Variants in SQOR observed in about 807,000 individuals in gnomAD.
The protein encoded by SQOR is sulfide quinone oxidoreductase, also known as sulfide:quinone oxidoreductase, mitochondrial.
SQOR carries 39 observed loss-of-function variants against 48.6 expected under a neutral mutation model. That is an observed-to-expected ratio of 0.80 (90% CI 0.62 to 1.05). The LOEUF (loss-of-function observed/expected upper bound fraction) is 1.05, where lower values mean the gene tolerates loss of function less well. Ranked by LOEUF, SQOR falls within the 50% of genes least tolerant of loss-of-function variation. The pLI is 0.00. For missense variants in SQOR, 561 were observed against 559.9 expected (o/e 1.00, Z -0.02); for synonymous variants, 220 against 206.2 (o/e 1.07, Z -0.57).
upstream of SQOR, among the ~76,000 whole-genome samples, chr15:45,634,314 T>TG (rs1182363771): frequency 6.0e-4 from 90 of 150,860 alleles, no homozygotes; most frequent in African/African-American, 2.2e-3. Context: ...TTCTAGCACT[T>TG]GCACTTCTCA....
chr15:45,658,751 T>C (rs557323254), intron 1 of SQOR, among the ~76,000 whole-genome samples, 156 bp from the exon 2 acceptor site: 1 of 152,194 alleles, frequency 6.6e-6, no homozygotes, highest in African/African-American at 2.4e-5. Context: ...TCAGGAGACC[T>C]TGGGACCACA....
chr15:45,663,838 T>C (rs1244027624), intron 3 of SQOR, among the ~76,000 whole-genome samples: 1 of 152,230 alleles, frequency 6.6e-6, no homozygotes, highest in African/African-American at 2.4e-5. Context: ...CTTGGCTTTC[T>C]GGCCTCCATT....
chr15:45,661,219 T>C (rs1889711716), intron 2 of SQOR, among the ~76,000 whole-genome samples: 1 of 140,496 alleles, frequency 7.1e-6, no homozygotes, highest in Non-Finnish European at 1.5e-5. Flanking sequence ...GAGGTGGAGG[T>C]TGCAGTGAGC....
At chr15:45,659,271 G>A in intron 2 of SQOR, 114 bp downstream of exon 2, 3 of 869,506 alleles carry the variant, frequency 3.5e-6, no homozygotes, top group South Asian at 2.3e-5. Context: ...GTCTTCATAT[G>A]TTCAGGTTAG....
In SQOR at chr15:45,691,100, C is replaced by A; in HGVS notation, c.*70C>A. Reference sequence around the variant, plus strand: ...ACTGCAGTCACTGAATGACCAAGAGCAGCACGAAGGACTTGGAACCTATCC... The same window carrying A: ...ACTGCAGTCACTGAATGACCAAGAGAAGCACGAAGGACTTGGAACCTATCC... On this transcript the variant is annotated 3_prime_UTR_variant, in exon 10 of 10. Coordinates refer to ENST00000260324, the MANE Select transcript of SQOR (RefSeq NM_021199.4). 2 of 1,352,308 alleles carry A rather than the reference C, an allele frequency of 1.5e-6. No individual in the cohort carries two copies. The highest frequency in any genetic ancestry group is 2.1e-6 in the Non-Finnish European group (2 of 940,936). The allele number at this position is 1,352,308 out of a possible 1,614,324, so 83.8% of individuals were successfully genotyped here.
intron 9 of SQOR, 34 bp from the exon 10 acceptor site, chr15:45,690,939 C>T (rs1485965561): frequency 6.2e-7 from 1 of 1,604,888 alleles, no homozygotes; most frequent in Non-Finnish European, 8.5e-7. Context: ...ATCTCTCTTG[C>T]TGCAGGTACA....
At chr15:45,665,874 G>A (rs773253023) in intron 3 of SQOR, among the ~76,000 whole-genome samples, 4 of 152,162 alleles carry the variant, frequency 2.6e-5, no homozygotes, top group Non-Finnish European at 5.9e-5. Context: ...GTGAGCCACC[G>A]TGCCCAGCCC....
upstream of SQOR, among the ~76,000 whole-genome samples, chr15:45,633,424 G>A (rs536357400): frequency 6.6e-4 from 100 of 152,226 alleles, 2 homozygotes; most frequent in South Asian, 0.02. Context: ...GGCTGGGTGC[G>A]ATGGCTCACG....
At chr15:45,649,458 A>C (rs1435294452) in intron 1 of SQOR, among the ~76,000 whole-genome samples, 1 of 152,182 alleles carries the variant, frequency 6.6e-6, no homozygotes, top group Non-Finnish European at 1.5e-5. Flanking sequence ...AGTTAAATTT[A>C]CCTTATTTAT....
At chr15:45,657,109 A>G (rs947785768) in intron 1 of SQOR, among the ~76,000 whole-genome samples, 5 of 134,530 alleles carry the variant, frequency 3.7e-5, no homozygotes, top group Non-Finnish European at 6.5e-5. Flanking sequence ...CGCCTGGTCT[A>G]TATATTGTTT....
At chr15:45,677,875 A>AT (rs1890064934) in intron 6 of SQOR, among the ~76,000 whole-genome samples, 1 of 151,668 alleles carries the variant, frequency 6.6e-6, no homozygotes, top group African/African-American at 2.4e-5. Flanking sequence ...TAATTTTTTT[A>AT]TTTTTTATTT....
At chr15:45,652,730 G>C (rs1889518880) in intron 1 of SQOR, among the ~76,000 whole-genome samples, 1 of 144,074 alleles carries the variant, frequency 6.9e-6, no homozygotes, top group East Asian at 2.1e-4. Flanking sequence ...CCAGCATTGT[G>C]GGAGGCCGAG....
intron 5 of SQOR, chr15:45,674,041 G>A (rs1369809639): frequency 9.7e-6 from 5 of 517,574 alleles, no homozygotes; most frequent in Non-Finnish European, 1.4e-5. Flanking sequence ...CTTTTTTTCT[G>A]TATACTTAAA....
chr15:45,656,815 G>GT (rs1297425351), intron 1 of SQOR, among the ~76,000 whole-genome samples: 6 of 151,598 alleles, frequency 4.0e-5, no homozygotes, highest in South Asian at 2.1e-4. Flanking sequence ...TTATTTTATT[G>GT]TTTTTTTCAG....
chr15:45,661,837 A>C (rs368891735), intron 2 of SQOR, 118 bp from the exon 3 acceptor site: 1 of 1,087,574 alleles, frequency 9.2e-7, no homozygotes, highest in Non-Finnish European at 1.3e-6. Context: ...AGACTTTTCC[A>C]TACGATGCTC....
intron 1 of SQOR, among the ~76,000 whole-genome samples, chr15:45,637,632 ATG>A (rs776199088): frequency 1.3e-5 from 2 of 152,158 alleles, no homozygotes; most frequent in Non-Finnish European, 2.9e-5. Context: ...GGTGTTTGAA[ATG>A]TCAGTCAGGG....
chr15:45,687,148 G>A (rs1281611634), intron 7 of SQOR, among the ~76,000 whole-genome samples: 2 of 151,782 alleles, frequency 1.3e-5, no homozygotes, highest in East Asian at 3.9e-4. Context: ...TTTTTCTGAG[G>A]TGGCGTCTCA....
chr15:45,652,638 CTTTTTTTTTTT>C (rs757986564), intron 1 of SQOR, among the ~76,000 whole-genome samples: 10 of 60,276 alleles, frequency 1.7e-4, no homozygotes, highest in South Asian at 6.6e-4. Context: ...CGTGAGCCTC[CTTTTTTTTTTT>C]TTTTTTTTTT....
chr15:45,677,665 T>A (rs142027353), intron 6 of SQOR, among the ~76,000 whole-genome samples: 13 of 152,318 alleles, frequency 8.5e-5, no homozygotes, highest in Non-Finnish European at 1.3e-4. Context: ...TTGTCAGTGT[T>A]TTCTTGTGAT....
Sources: gnomAD v4.1 joint callset for allele counts (sites outside exome capture counted in the v4.1 genomes callset) on GRCh38, gnomAD v4.1.1 for gene constraint, MANE v1.5 for transcripts, NCBI Gene and HGNC (gene_info 2026-07-23, HGNC 2026-07-21) for gene names.